The following LRP1B variants were observed in gnomAD, a reference collection of about 807,000 sequenced individuals.
LRP1B encodes LDL receptor related protein 1B.
LRP1B carries 217 observed loss-of-function variants against 556.6 expected under a neutral mutation model. The observed-to-expected ratio is 0.39, with a 90% CI of 0.35 to 0.44. The LOEUF (loss-of-function observed/expected upper bound fraction) is 0.44. Among genes scored for constraint, LRP1B ranks in the 20% least tolerant of loss-of-function variants. The probability of loss-of-function intolerance (pLI) is 1.00; values close to 1 mark genes in which losing one functional copy is unlikely to be tolerated. For missense variants in LRP1B, 5,053 were observed against 5,620.8 expected, an observed-to-expected ratio of 0.90 and a Z score of 3.23; for synonymous variants, 2,047 against 1,865.8, an observed-to-expected ratio of 1.10 and a Z score of -2.50.
At position 141,062,282 on chromosome 2, in the gene LRP1B, A is replaced by G. The variant is rs2105468997; in HGVS notation, c.1014-9T>C. 6.3e-7 allele frequency: 1 copy of G among 1,593,212 alleles called. No individual in the cohort carries two copies. The highest frequency in any genetic ancestry group is 1.1e-5 in the South Asian group (1 of 89,074). On this transcript the variant is annotated splice_polypyrimidine_tract_variant and intron_variant, in intron 7 of 90. Coordinates refer to ENST00000389484, the MANE Select transcript of LRP1B (RefSeq NM_018557.3). ...CAGTAAAGAAAAGTTTTCTGTTGAA[A>G]GAAAACTAAATGTTAAAGTGGAGGG...
chr2:140,291,325 T>TATATATATA (rs1449270404), intron 84 of LRP1B, among the ~76,000 whole-genome samples: 15 of 132,594 alleles, frequency 1.1e-4, no homozygotes, highest in East Asian at 2.2e-4. Context: ...TATATTTTTA[T>TATATATATA]TATACTTTAA....
At chr2:141,488,009 G>A (rs1302996065) in intron 2 of LRP1B, among the ~76,000 whole-genome samples, 1 of 152,150 alleles carries the variant, frequency 6.6e-6, no homozygotes, top group Non-Finnish European at 1.5e-5. Context: ...GGACACACTA[G>A]GCAAAGGGGA....
chr2:140,406,100 T>A (rs1444835014), intron 66 of LRP1B, among the ~76,000 whole-genome samples: 2 of 152,102 alleles, frequency 1.3e-5, no homozygotes, highest in African/African-American at 4.8e-5. Context: ...CATATAATCA[T>A]CTTAACTGAT....
At chr2:141,092,757 G>T (rs1700199018) in intron 7 of LRP1B, among the ~76,000 whole-genome samples, 1 of 152,188 alleles carries the variant, frequency 6.6e-6, no homozygotes, top group Non-Finnish European at 1.5e-5. Flanking sequence ...TCAAGGAGGA[G>T]AGAGAGTGAT....
intron 84 of LRP1B, among the ~76,000 whole-genome samples, chr2:140,292,837 G>A (rs1683445720): frequency 6.6e-6 from 1 of 152,082 alleles, no homozygotes; most frequent in African/African-American, 2.4e-5. Context: ...TACCCTAGAA[G>A]ACAAATGGTA....
intron 2 of LRP1B, among the ~76,000 whole-genome samples, chr2:141,752,166 C>A (rs1191256053): frequency 1.3e-5 from 2 of 151,978 alleles, no homozygotes; most frequent in Admixed American, 6.6e-5. Context: ...CAAATCAATA[C>A]TAATTTTATA....
At chr2:140,667,307 C>A (rs563180860) in intron 41 of LRP1B, among the ~76,000 whole-genome samples, 10 of 152,280 alleles carry the variant, frequency 6.6e-5, no homozygotes, top group African/African-American at 1.9e-4. Flanking sequence ...TAACCTTTGC[C>A]TTGATACCAC....
intron 43 of LRP1B, among the ~76,000 whole-genome samples, chr2:140,566,356 T>A (rs549352491): frequency 2.4e-4 from 36 of 151,878 alleles, no homozygotes; most frequent in Non-Finnish European, 4.6e-4. Context: ...TACCCAAGAG[T>A]CACTGCTGAG....
chr2:140,791,429 T>TA (rs1296756090), intron 32 of LRP1B, among the ~76,000 whole-genome samples: 2 of 151,836 alleles, frequency 1.3e-5, no homozygotes, highest in Non-Finnish European at 2.9e-5. Flanking sequence ...ACCCTGTCTC[T>TA]AAAAAAATTA....
At chr2:141,847,933 T>A (rs1360167723) in intron 1 of LRP1B, among the ~76,000 whole-genome samples, 1 of 151,546 alleles carries the variant, frequency 6.6e-6, no homozygotes, top group Non-Finnish European at 1.5e-5. Flanking sequence ...TGTGATATTT[T>A]AAATCTAACA....
Position 140,503,080 on chromosome 2 carries a change from C to T in LRP1B, c.8545G>A (p.Glu2849Lys), listed in dbSNP as rs2104896485. ...QCGYRQCGTE[E>K]FSCADGRCLL... ...CACCGCCCATCAGCACAACTAAATT[C>T]TTCTGTACCACACTGTCGATATCCT... Residue 2849 changes from glutamate (E) to lysine (K), a missense_variant, in exon 54 of 91, where the codon GAA (glutamate) becomes AAA (lysine). Transcript: ENST00000389484. The T allele has an allele frequency of 6.2e-7, 1 of 1,613,232 alleles. No homozygotes were observed. The highest frequency in any genetic ancestry group is 8.5e-7 in the Non-Finnish European group (1 of 1,179,348).
chr2:140,755,694 C>T (rs1688721075), intron 35 of LRP1B, among the ~76,000 whole-genome samples: 1 of 151,780 alleles, frequency 6.6e-6, no homozygotes. Flanking sequence ...ATGATATCCA[C>T]AAAATAAAAA....
chr2:141,946,586 C>T (rs888735023), intron 1 of LRP1B, among the ~76,000 whole-genome samples: 8 of 152,076 alleles, frequency 5.3e-5, no homozygotes, highest in African/African-American at 1.9e-4. Context: ...ATTTGATAGA[C>T]AAGGTGTGTG....
intron 41 of LRP1B, among the ~76,000 whole-genome samples, chr2:140,611,080 A>G (rs1181741283): frequency 1.3e-5 from 2 of 152,242 alleles, no homozygotes; most frequent in African/African-American, 4.8e-5. Context: ...ATGCTTAACA[A>G]TGTTGAAGCT....
chr2:140,939,698 A>AAGAACAATGACAATAAACC (rs1420652120), intron 20 of LRP1B, among the ~76,000 whole-genome samples: 4 of 151,622 alleles, frequency 2.6e-5, no homozygotes, highest in East Asian at 3.9e-4. Flanking sequence ...GAAGGTATTA[A>AAGAACAATGACAATAAACC]AGAACAATGA....
chr2:140,743,651 T>C (rs934511767), intron 35 of LRP1B, among the ~76,000 whole-genome samples: 1 of 152,084 alleles, frequency 6.6e-6, no homozygotes, highest in African/African-American at 2.4e-5. Flanking sequence ...GTGTTAGCTG[T>C]TATTATTCAC....
intron 1 of LRP1B, among the ~76,000 whole-genome samples, chr2:141,827,567 T>C (rs1028286936): frequency 1.3e-5 from 2 of 152,202 alleles, no homozygotes; most frequent in South Asian, 4.2e-4. Context: ...GACATCAGAC[T>C]ACTCCTTCAA....
At chr2:141,409,921 T>G (rs1690789530) in intron 3 of LRP1B, among the ~76,000 whole-genome samples, 1 of 151,992 alleles carries the variant, frequency 6.6e-6, no homozygotes, top group Non-Finnish European at 1.5e-5. Flanking sequence ...TATACATAGT[T>G]GGATATTATG....
intron 2 of LRP1B, among the ~76,000 whole-genome samples, chr2:141,559,719 T>C (rs896905164): frequency 2.6e-5 from 4 of 151,640 alleles, no homozygotes. Flanking sequence ...TTATTGATCA[T>C]GAGGATGAAA....
Sources: gnomAD v4.1 joint callset for allele counts (sites outside exome capture counted in the v4.1 genomes callset) on GRCh38, gnomAD v4.1.1 for gene constraint, MANE v1.5 for transcripts, NCBI Gene and HGNC (gene_info 2026-07-23, HGNC 2026-07-21) for gene names.